The following GABRG2 variants were observed in gnomAD, a reference collection of about 807,000 sequenced individuals.
GABRG2 encodes the protein gamma-aminobutyric acid receptor subunit gamma-2.
In GABRG2, 16 loss-of-function variants were observed where a neutral mutation model predicts 56.4. The observed-to-expected ratio is 0.28, with a 90% CI of 0.19 to 0.43. The LOEUF (loss-of-function observed/expected upper bound fraction) is 0.43. Among genes scored for constraint, GABRG2 ranks in the 20% least tolerant of loss-of-function variants. GABRG2 has a pLI of 1.00. For missense variants in GABRG2, 327 were observed against 582.7 expected (o/e 0.56, Z 4.52); for synonymous variants, 208 against 205.5 (o/e 1.01, Z -0.10).
intron 7 of GABRG2, among the ~76,000 whole-genome samples, chr5:162,144,456 G>GTGAGTT (rs2113610163): frequency 6.6e-6 from 1 of 152,312 alleles, no homozygotes; most frequent in South Asian, 2.1e-4. Context: ...ATCAAAGTGA[G>GTGAGTT]TGAGTTTTGG....
intron 6 of GABRG2, among the ~76,000 whole-genome samples, chr5:162,108,376 G>A (rs1761987869): frequency 6.6e-6 from 1 of 152,146 alleles, no homozygotes; most frequent in Non-Finnish European, 1.5e-5. Flanking sequence ...TTCCCAGCTT[G>A]TGAAAGAACC....
At chr5:162,122,242 AAACAG>A (rs1201808116) in intron 6 of GABRG2, among the ~76,000 whole-genome samples, 1 of 151,968 alleles carries the variant, frequency 6.6e-6, no homozygotes, top group Non-Finnish European at 1.5e-5. Context: ...TGCATTGGCT[AAACAG>A]CGAGGAAGTT....
chr5:162,113,283 C>G (rs210982), intron 6 of GABRG2, among the ~76,000 whole-genome samples: 90,423 of 151,844 alleles, frequency 0.6, 27,192 homozygotes, highest in African/African-American at 0.65. Context: ...TCAAGAAATT[C>G]ACAGTGCTTT....
chr5:162,146,875 C>T (rs76470416), intron 7 of GABRG2, among the ~76,000 whole-genome samples: 1 of 152,138 alleles, frequency 6.6e-6, no homozygotes, highest in Admixed American at 6.5e-5. Context: ...ATAACAAGTA[C>T]GTATTTAGGA....
chr5:162,111,178 A>G (rs1762226819), intron 6 of GABRG2, among the ~76,000 whole-genome samples: 1 of 152,206 alleles, frequency 6.6e-6, no homozygotes, highest in African/African-American at 2.4e-5. Flanking sequence ...CAAAACAAAT[A>G]CAAAAACATA....
Position 162,154,850 on chromosome 5 carries a change from A to T in GABRG2, c.*1482A>T, listed in dbSNP as rs1010195690. ...ACTGAAAAAAAAAAATGAATGACTC[A>T]CATAGAGGTTGAGCCAATGACTGTG... On this transcript the variant is annotated 3_prime_UTR_variant, in exon 10 of 10. Coordinates refer to ENST00000639213, the MANE Select transcript of GABRG2 (RefSeq NM_198904.4). The T allele has an allele frequency of 6.6e-6, 1 of 152,130 alleles. No individual in the cohort carries two copies. Among genetic ancestry groups the T allele is most frequent in the Admixed American group, 6.6e-5 (1 of 15,242 alleles). The allele number at this position is 152,130 out of a possible 1,614,324, so 9.4% of individuals were successfully genotyped here. A position where few individuals can be genotyped will look rare whatever the true frequency, so the allele number is the denominator to read the frequency against.
intron 6 of GABRG2, among the ~76,000 whole-genome samples, chr5:162,127,437 T>C (rs1412442711): frequency 6.6e-6 from 1 of 151,950 alleles, no homozygotes; most frequent in Non-Finnish European, 1.5e-5. Flanking sequence ...CTAAGATTTA[T>C]GTAAGATTAT....
intron 1 of GABRG2, among the ~76,000 whole-genome samples, chr5:162,084,103 T>G (rs1160931756): frequency 6.6e-6 from 1 of 151,760 alleles, no homozygotes. Flanking sequence ...AGAAGGCAGA[T>G]TAGCAAATTG....
chr5:162,126,211 G>T (rs1763332266), intron 6 of GABRG2, among the ~76,000 whole-genome samples: 1 of 151,974 alleles, frequency 6.6e-6, no homozygotes, highest in Non-Finnish European at 1.5e-5. Flanking sequence ...AGACATGGTA[G>T]ATTCAAGTCA....
In GABRG2 at chr5:162,149,400, C is replaced by G. The variant is rs144689651; in HGVS notation, c.1128+87C>G. On this transcript the variant is annotated intron_variant, in intron 8 of 9. Coordinates refer to ENST00000639213, the MANE Select transcript of GABRG2 (RefSeq NM_198904.4). ...ATTAGCCTATCTGCAGGCTAAGGCT[C>G]AGCAGTTTGGGCTCCAAGATGAAAA... 6.3e-4 allele frequency: 814 copies of G among 1,294,512 alleles called. 23 individuals are homozygous for G. The East Asian group carries it at 0.019, about 30-fold the overall frequency. The allele number at this position is 1,294,512 out of a possible 1,614,324, so 80.2% of individuals were successfully genotyped here. A position where few individuals can be genotyped will look rare whatever the true frequency, so the allele number is the denominator to read the frequency against.
intron 6 of GABRG2, among the ~76,000 whole-genome samples, chr5:162,114,626 A>G (rs1031733845): frequency 1.3e-5 from 2 of 152,188 alleles, no homozygotes; most frequent in Admixed American, 6.5e-5. Flanking sequence ...TGCTAAAACT[A>G]TGACTTAACC....
At chr5:162,094,342 G>A (rs1760840788) in intron 2 of GABRG2, 1 of 285,658 alleles carries the variant, frequency 3.5e-6, no homozygotes, top group South Asian at 3.7e-5. Flanking sequence ...GCCTGTTTTT[G>A]TGTAACAAAC....
At chr5:162,082,593 TTTTTTAAAAAAG>T (rs1251998140) in intron 1 of GABRG2, among the ~76,000 whole-genome samples, 1 of 151,748 alleles carries the variant, frequency 6.6e-6, no homozygotes, top group Non-Finnish European at 1.5e-5. Flanking sequence ...AATATGGAAC[TTTTTTAAAAAAG>T]TAATAATTCT....
At position 162,153,206 on chromosome 5, in the gene GABRG2, T is replaced by C. The variant is rs1765499567; in HGVS notation, c.1266T>C (p.Cys422=). The change falls in exon 10 of 10, where the codon TGT becomes TGC. Residue 422 remains cysteine, a synonymous_variant. Transcript: ENST00000639213. Reference sequence around the variant, plus strand: ...ATGAGTGTCTGGACGGCAAGGACTGTGCCAGTTTTTTCTGCTGTTTTGAAG... The same window carrying C: ...ATGAGTGTCTGGACGGCAAGGACTGCGCCAGTTTTTTCTGCTGTTTTGAAG... ...YGYECLDGKD[C]ASFFCCFEDC... The C allele has an allele frequency of 6.2e-7, 1 of 1,614,092 alleles. No homozygotes were observed. The highest frequency in any genetic ancestry group is 8.5e-7 in the Non-Finnish European group (1 of 1,179,982).
intron 6 of GABRG2, among the ~76,000 whole-genome samples, chr5:162,127,255 A>T (rs1763400493): frequency 6.6e-6 from 1 of 151,924 alleles, no homozygotes; most frequent in Admixed American, 6.6e-5. Flanking sequence ...TTTTCATGAA[A>T]ATCATCTTTT....
At chr5:162,083,040 A>T (rs1049324938) in intron 1 of GABRG2, among the ~76,000 whole-genome samples, 1 of 151,786 alleles carries the variant, frequency 6.6e-6, no homozygotes, top group African/African-American at 2.4e-5. Flanking sequence ...ATAAAAAAAG[A>T]TGAACAAGAA....
chr5:162,073,225 GA>G (rs1758816156), intron 1 of GABRG2, among the ~76,000 whole-genome samples: 1 of 151,078 alleles, frequency 6.6e-6, no homozygotes, highest in Non-Finnish European at 1.5e-5. Flanking sequence ...TGTTTTGATT[GA>G]AAGGTCTAGA....
chr5:162,113,834 C>G (rs1283226221), intron 6 of GABRG2, among the ~76,000 whole-genome samples: 1 of 152,142 alleles, frequency 6.6e-6, no homozygotes, highest in Non-Finnish European at 1.5e-5. Flanking sequence ...GCCTACTGAT[C>G]ACATTTCCTT....
intron 6 of GABRG2, among the ~76,000 whole-genome samples, chr5:162,107,466 G>T (rs1761919459): frequency 6.6e-6 from 1 of 152,112 alleles, no homozygotes; most frequent in African/African-American, 2.4e-5. Context: ...CATTCTCTTT[G>T]ATATAAACAG....
Sources: allele counts gnomAD v4.1 joint callset (sites outside exome capture counted in the v4.1 genomes callset), GRCh38; gene constraint gnomAD v4.1.1; transcripts MANE v1.5; gene names NCBI Gene and HGNC (gene_info 2026-07-23, HGNC 2026-07-21).